RSRC1: variants seen among roughly 807,000 people sequenced by gnomAD.
RSRC1 encodes the protein arginine and serine rich coiled-coil 1.
A neutral mutation model predicts 49.1 loss-of-function variants in RSRC1; 39 were observed. The observed-to-expected ratio is 0.79, with a 90% confidence interval of 0.61 to 1.04. The LOEUF (loss-of-function observed/expected upper bound fraction) is 1.04, where lower values mean the gene tolerates loss of function less well. Among genes scored for constraint, RSRC1 ranks in the 50% least tolerant of loss-of-function variants. The probability of loss-of-function intolerance (pLI) is 0.00; values close to 1 mark genes in which losing one functional copy is unlikely to be tolerated. For missense variants in RSRC1, 388 were observed against 402.4 expected (o/e 0.96, Z 0.31); for synonymous variants, 143 against 130.8 (o/e 1.09, Z -0.63).
intron 6 of RSRC1, among the ~76,000 whole-genome samples, chr3:158,434,657 C>A (rs770437009): frequency 6.6e-6 from 1 of 151,892 alleles, no homozygotes; most frequent in South Asian, 2.1e-4. Context: ...ACCCAACTTG[C>A]AATGTGTGTT....
chr3:158,290,627 A>G (rs1726883560), intron 4 of RSRC1, among the ~76,000 whole-genome samples: 1 of 152,164 alleles, frequency 6.6e-6, no homozygotes, highest in Non-Finnish European at 1.5e-5. Flanking sequence ...TTCATCAATA[A>G]CATTTGATAT....
chr3:158,517,666 C>T (rs980053493), intron 7 of RSRC1, among the ~76,000 whole-genome samples: 5 of 147,676 alleles, frequency 3.4e-5, no homozygotes, highest in Non-Finnish European at 5.9e-5. Flanking sequence ...GATCATGGCT[C>T]ACTGAAGTTT....
At chr3:158,511,567 G>A (rs1358790570) in intron 7 of RSRC1, among the ~76,000 whole-genome samples, 4 of 152,204 alleles carry the variant, frequency 2.6e-5, no homozygotes, top group South Asian at 2.1e-4. Flanking sequence ...ATTGTGAATA[G>A]TGCCGCAATA....
chr3:158,189,039 A>G (rs751320760), intron 3 of RSRC1, among the ~76,000 whole-genome samples: 4 of 151,898 alleles, frequency 2.6e-5, no homozygotes, highest in Admixed American at 1.3e-4. Flanking sequence ...TTTGATTCAC[A>G]TATTTTAAAG....
At chr3:158,460,229 TC>T (rs1286962843) in intron 6 of RSRC1, among the ~76,000 whole-genome samples, 1 of 151,898 alleles carries the variant, frequency 6.6e-6, no homozygotes. Flanking sequence ...GGAGAATCGC[TC>T]CTTTGAGACA....
intron 7 of RSRC1, among the ~76,000 whole-genome samples, chr3:158,523,943 T>C (rs1403572892): frequency 6.6e-6 from 1 of 152,098 alleles, no homozygotes; most frequent in East Asian, 1.9e-4. Flanking sequence ...AAAAACGTGT[T>C]GCCATGACCT....
At chr3:158,290,311 C>G (rs1487342876) in intron 4 of RSRC1, among the ~76,000 whole-genome samples, 2 of 151,968 alleles carry the variant, frequency 1.3e-5, no homozygotes, top group Non-Finnish European at 2.9e-5. Flanking sequence ...CTTGCTCTGT[C>G]TCCCAGGCTG....
At chr3:158,310,625 A>G (rs1175100495) in intron 5 of RSRC1, among the ~76,000 whole-genome samples, 1 of 151,812 alleles carries the variant, frequency 6.6e-6, no homozygotes, top group Non-Finnish European at 1.5e-5. Context: ...AGTGTAGCAT[A>G]TTCTGAGAGT....
intron 3 of RSRC1, among the ~76,000 whole-genome samples, chr3:158,153,180 T>C (rs746348399): frequency 5.3e-5 from 8 of 152,210 alleles, no homozygotes; most frequent in Non-Finnish European, 8.8e-5. Flanking sequence ...GCTTATTTGC[T>C]ACTAACTATG....
At chr3:158,470,399 T>C (rs1738086675) in intron 7 of RSRC1, among the ~76,000 whole-genome samples, 1 of 150,228 alleles carries the variant, frequency 6.7e-6, no homozygotes, top group Non-Finnish European at 1.5e-5. Context: ...TTCAGTGTAA[T>C]TGACCTTTTC....
intron 7 of RSRC1, among the ~76,000 whole-genome samples, chr3:158,485,766 T>C (rs141088010): frequency 1.4e-3 from 216 of 152,280 alleles, no homozygotes; most frequent in African/African-American, 4.9e-3. Flanking sequence ...CAATACAGGT[T>C]GACTTCAATA....
intron 7 of RSRC1, among the ~76,000 whole-genome samples, chr3:158,488,764 G>A (rs923989197): frequency 5.9e-5 from 9 of 152,142 alleles, no homozygotes; most frequent in African/African-American, 2.2e-4. Flanking sequence ...CAGGAGATGA[G>A]TCCCTTTGTT....
intron 8 of RSRC1, among the ~76,000 whole-genome samples, chr3:158,541,472 G>A (rs1254844536): frequency 6.6e-6 from 1 of 152,226 alleles, no homozygotes; most frequent in East Asian, 1.9e-4. Context: ...GATTCTGCCT[G>A]TGTACCCAGT....
intron 5 of RSRC1, among the ~76,000 whole-genome samples, chr3:158,324,899 TC>T: frequency 6.6e-6 from 1 of 152,188 alleles, no homozygotes; most frequent in Non-Finnish European, 1.5e-5. Flanking sequence ...ACCTGCTGTT[TC>T]CTGACTTTTT....
intron 4 of RSRC1, chr3:158,275,716 G>A (rs1267849690): frequency 2.6e-5 from 10 of 388,012 alleles, no homozygotes; most frequent in Middle Eastern, 9.2e-4. Flanking sequence ...GAAATAATCT[G>A]CAGACTAGTT....
At chr3:158,251,881 C>G (rs1341206204) in intron 4 of RSRC1, among the ~76,000 whole-genome samples, 1 of 152,166 alleles carries the variant, frequency 6.6e-6, no homozygotes. Flanking sequence ...TGTGTGCATC[C>G]TTGTCTTCTT....
intron 7 of RSRC1, among the ~76,000 whole-genome samples, chr3:158,516,426 G>T (rs1403239455): frequency 1.3e-5 from 2 of 152,108 alleles, no homozygotes; most frequent in Non-Finnish European, 2.9e-5. Flanking sequence ...AGGGGTCAGG[G>T]ACCCACTTGA....
intron 5 of RSRC1, among the ~76,000 whole-genome samples, chr3:158,345,745 G>A (rs1464290117): frequency 1.3e-5 from 2 of 149,052 alleles, no homozygotes; most frequent in African/African-American, 4.9e-5. Context: ...TTAGAGTCTA[G>A]AAAGAGACTC....
chr3:158,353,654 T>C (rs1236095119), intron 5 of RSRC1, among the ~76,000 whole-genome samples: 1 of 152,242 alleles, frequency 6.6e-6, no homozygotes, highest in African/African-American at 2.4e-5. Context: ...CTTAAACTTT[T>C]CTGAGCACAA....
Sources: gnomAD v4.1 joint callset for allele counts (sites outside exome capture counted in the v4.1 genomes callset) on GRCh38, gnomAD v4.1.1 for gene constraint, MANE v1.5 for transcripts, NCBI Gene and HGNC (gene_info 2026-07-23, HGNC 2026-07-21) for gene names.